The following ROBO1 variants were observed in gnomAD, a reference collection of about 807,000 sequenced individuals.
ROBO1 encodes the protein roundabout homolog 1.
In ROBO1, 149 loss-of-function variants were observed where a neutral mutation model predicts 195.9. The ratio of observed to expected loss-of-function variants is 0.76; its 90% CI spans 0.67 to 0.87. The LOEUF is 0.87. Ranked by LOEUF, ROBO1 falls within the 40% of genes least tolerant of loss-of-function variation. ROBO1 has a pLI of 0.00. For missense variants in ROBO1, 1,933 were observed against 2,068.3 expected (o/e 0.93, Z 1.27); for synonymous variants, 816 against 733.2 (o/e 1.11, Z -1.82).
chr3:79,026,889 T>C (rs1212452567), intron 3 of ROBO1, among the ~76,000 whole-genome samples: 1 of 152,090 alleles, frequency 6.6e-6, no homozygotes, highest in Non-Finnish European at 1.5e-5. Flanking sequence ...TGTTTAATGC[T>C]TTTGGTTTTT....
intron 2 of ROBO1, among the ~76,000 whole-genome samples, chr3:79,511,582 G>A (rs1414527648): frequency 6.6e-6 from 1 of 152,062 alleles, no homozygotes; most frequent in Non-Finnish European, 1.5e-5. Flanking sequence ...GTTTATTTAA[G>A]CTTCAATACT....
intron 4 of ROBO1, among the ~76,000 whole-genome samples, chr3:78,846,984 A>G (rs879912159): frequency 1.1e-4 from 16 of 152,158 alleles, no homozygotes; most frequent in Non-Finnish European, 2.4e-4. Flanking sequence ...TGGCCTGCTC[A>G]GATCTCAACA....
intron 1 of ROBO1, among the ~76,000 whole-genome samples, chr3:79,602,048 A>G (rs1420358825): frequency 6.6e-6 from 1 of 151,938 alleles, no homozygotes; most frequent in Admixed American, 6.6e-5. Flanking sequence ...TGAGCTGCAA[A>G]TTTTTAGATT....
chr3:78,667,484 C>T (rs944226767), intron 14 of ROBO1, among the ~76,000 whole-genome samples: 1 of 152,018 alleles, frequency 6.6e-6, no homozygotes, highest in African/African-American at 2.4e-5. Context: ...TTGTTGCTAT[C>T]TAATACTAGA....
chr3:79,500,381 C>T (rs1464293086), intron 2 of ROBO1, among the ~76,000 whole-genome samples: 1 of 152,170 alleles, frequency 6.6e-6, no homozygotes, highest in African/African-American at 2.4e-5. Flanking sequence ...CCACCTGCCT[C>T]GGCTTCCCAA....
At chr3:79,578,630 G>T (rs936181988) in intron 2 of ROBO1, among the ~76,000 whole-genome samples, 1 of 152,132 alleles carries the variant, frequency 6.6e-6, no homozygotes, top group Non-Finnish European at 1.5e-5. Context: ...GTCTACTGGA[G>T]CTATATTTTT....
At chr3:79,529,460 G>C (rs766673684) in intron 2 of ROBO1, among the ~76,000 whole-genome samples, 13 of 152,316 alleles carry the variant, frequency 8.5e-5, no homozygotes, top group Admixed American at 4.6e-4. Flanking sequence ...CTGGGCGACA[G>C]AGTGAGACCC....
At chr3:78,600,800 A>ATAAC (rs201601469) in intron 29 of ROBO1, among the ~76,000 whole-genome samples, 2,922 of 152,280 alleles carry the variant, frequency 0.019, 85 homozygotes, top group African/African-American at 0.066. Flanking sequence ...AAATATCTAC[A>ATAAC]TAACTTATAA....
chr3:78,753,648 G>C (rs1045450190), intron 4 of ROBO1, among the ~76,000 whole-genome samples: 4 of 152,060 alleles, frequency 2.6e-5, no homozygotes, highest in African/African-American at 9.7e-5. Context: ...AGCTCCACAC[G>C]CGTTAGCTAT....
At chr3:79,487,419 G>A (rs1183028376) in intron 2 of ROBO1, among the ~76,000 whole-genome samples, 4 of 152,148 alleles carry the variant, frequency 2.6e-5, no homozygotes, top group African/African-American at 9.7e-5. Context: ...GTTTCACCAT[G>A]TTGGTCAGGC....
At chr3:78,631,132 G>C in intron 25 of ROBO1, 29 bp downstream of exon 25, 1 of 1,596,460 alleles carries the variant, frequency 6.3e-7, no homozygotes, top group East Asian at 2.3e-5. Flanking sequence ...ATATTACACT[G>C]TTTACATCTG....
In ROBO1 at chr3:79,380,038, C is replaced by G. The variant is rs190843674; in HGVS notation, c.88+209786G>C. Among the ~76,000 whole-genome samples the G allele has an allele frequency of 2.4e-3, 369 of 152,318 alleles. 2 individuals are homozygous for G. Among genetic ancestry groups the G allele is most frequent in the African/African-American group, 7.6e-3 (314 of 41,578 alleles). ...TTAGCACTATAATGTGTTCCTACTT[C>G]TTTTGTCTCCTGTAGATTCCTCACA... is the stretch of plus-strand genomic sequence containing the variant. On this transcript the variant is annotated intron_variant, in intron 2 of 30. Transcript: ENST00000464233.
intron 2 of ROBO1, among the ~76,000 whole-genome samples, chr3:79,171,675 T>C (rs1312730112): frequency 3.3e-5 from 5 of 152,266 alleles, no homozygotes; most frequent in East Asian, 1.9e-4. Context: ...CATATATCTT[T>C]AGTTGTACAC....
intron 5 of ROBO1, among the ~76,000 whole-genome samples, chr3:78,720,459 G>A (rs1028751700): frequency 6.6e-6 from 1 of 152,188 alleles, no homozygotes; most frequent in African/African-American, 2.4e-5. Context: ...TGCTGGAGAG[G>A]ATGTGGAGAA....
intron 2 of ROBO1, among the ~76,000 whole-genome samples, chr3:79,496,282 A>G (rs1289120419): frequency 2.0e-5 from 3 of 149,668 alleles, no homozygotes; most frequent in African/African-American, 7.4e-5. Context: ...CTTTCTATGT[A>G]TATAATATGT....
chr3:79,180,974 GCACAGAAGCAAGT>G (rs747157448), intron 2 of ROBO1, among the ~76,000 whole-genome samples: 62 of 152,190 alleles, frequency 4.1e-4, no homozygotes, highest in Admixed American at 4.6e-4. Context: ...TGAGATTGTA[GCACAGAAGCAAGT>G]GTGTTAAATT....
intron 2 of ROBO1, among the ~76,000 whole-genome samples, chr3:79,343,661 T>C (rs2109234577): frequency 6.6e-6 from 1 of 152,236 alleles, no homozygotes; most frequent in African/African-American, 2.4e-5. Context: ...AAATACAGGC[T>C]ATCACTTTAT....
intron 4 of ROBO1, among the ~76,000 whole-genome samples, chr3:78,873,940 A>T (rs1039531968): frequency 3.3e-5 from 5 of 152,026 alleles, no homozygotes; most frequent in African/African-American, 1.2e-4. Context: ...ACTTGTCTAA[A>T]TTTGGATTCA....
chr3:78,670,134 G>A lies in ROBO1; in HGVS notation c.1510C>T (p.Gln504Ter), dbSNP rs771149637. 1 of 1,613,520 alleles carries A rather than the reference G, an allele frequency of 6.2e-7. No homozygotes were observed. The highest frequency in any genetic ancestry group is 8.5e-7 in the Non-Finnish European group (1 of 1,179,692). ...ATCTGCAGTACTCCATTCTCCAACT[G>A]TTTGATTCGAGAGTCTTGGGTTGAA... ...LVSTQDSRIK[Q>*]LENGVLQIRY... The change falls in exon 11 of 31, where the codon CAG (glutamine) becomes TAG (stop). Residue 504 changes from glutamine to a stop codon, truncating the protein, a stop_gained. Transcript: ENST00000464233. LOFTEE classifies it high-confidence loss of function.
Sources: gnomAD v4.1 joint callset for allele counts (sites outside exome capture counted in the v4.1 genomes callset) on GRCh38, gnomAD v4.1.1 for gene constraint, MANE v1.5 for transcripts, NCBI Gene and HGNC (gene_info 2026-07-23, HGNC 2026-07-21) for gene names.